LINGO2: variants seen among roughly 807,000 people sequenced by gnomAD.
LINGO2 encodes leucine rich repeat and Ig domain containing 2, also known as leucine-rich repeat and immunoglobulin-like domain-containing nogo receptor-interacting protein 2.
LINGO2 carries 14 observed loss-of-function variants against 30.6 expected under a neutral mutation model. The observed-to-expected ratio is 0.46, with a 90% confidence interval of 0.30 to 0.72. LINGO2 has a LOEUF of 0.72. Ranked by LOEUF, LINGO2 falls within the 30% of genes least tolerant of loss-of-function variation. The probability of loss-of-function intolerance (pLI) is 0.07; values close to 1 mark genes in which losing one functional copy is unlikely to be tolerated. For missense variants in LINGO2, 729 were observed against 751.7 expected (o/e 0.97, Z 0.35); for synonymous variants, 317 against 288.5 (o/e 1.10, Z -1.00).
chr9:29,094,485 A>G, the LINGO2 span, among the ~76,000 whole-genome samples: 1 of 139,128 alleles, frequency 7.2e-6, no homozygotes, highest in African/African-American at 2.7e-5. Context: ...AAATGAAGAA[A>G]CTGAAGCAAA....
the LINGO2 span, among the ~76,000 whole-genome samples, chr9:28,901,627 A>C: frequency 6.6e-6 from 1 of 151,914 alleles, no homozygotes; most frequent in Admixed American, 6.6e-5. Context: ...TTAAGTTATC[A>C]GCTTAAAAGA....
At chr9:28,370,496 G>C (rs1278232127) in intron 3 of LINGO2, among the ~76,000 whole-genome samples, 1 of 151,994 alleles carries the variant, frequency 6.6e-6, no homozygotes, top group East Asian at 1.9e-4. Flanking sequence ...TTATTGATAA[G>C]GTTTAGAATA....
the LINGO2 span, among the ~76,000 whole-genome samples, chr9:28,779,886 C>T: frequency 3.9e-5 from 6 of 152,048 alleles, no homozygotes; most frequent in African/African-American, 1.2e-4. Flanking sequence ...CTATCTCTCT[C>T]CCTCCCTCCC....
chr9:28,320,267 G>C (rs1215580997), intron 3 of LINGO2, among the ~76,000 whole-genome samples: 2 of 152,138 alleles, frequency 1.3e-5, no homozygotes, highest in Non-Finnish European at 2.9e-5. Context: ...ATGAGAGCCA[G>C]GAGTAGAATT....
At chr9:28,774,809 T>C in the LINGO2 span, among the ~76,000 whole-genome samples, 4,892 of 151,416 alleles carry the variant, frequency 0.032, 131 homozygotes, top group South Asian at 0.059. Context: ...ATCAACAAAA[T>C]TGTGGGTTTT....
At chr9:28,971,180 G>GCATTCAT in the LINGO2 span, among the ~76,000 whole-genome samples, 1 of 152,174 alleles carries the variant, frequency 6.6e-6, no homozygotes, top group South Asian at 2.1e-4. Flanking sequence ...AGTCCTGACA[G>GCATTCAT]CATTCATCAT....
chr9:28,515,101 T>C (rs1820565360), intron 1 of LINGO2, among the ~76,000 whole-genome samples: 1 of 152,128 alleles, frequency 6.6e-6, no homozygotes, highest in African/African-American at 2.4e-5. Flanking sequence ...ATGGAGATGC[T>C]CAAGGATATT....
intron 4 of LINGO2, among the ~76,000 whole-genome samples, chr9:28,134,523 G>A (rs1344446577): frequency 6.6e-6 from 1 of 152,210 alleles, no homozygotes; most frequent in African/African-American, 2.4e-5. Context: ...GAGCCACCTG[G>A]GAGGAAGGGA....
intron 5 of LINGO2, among the ~76,000 whole-genome samples, chr9:27,978,602 T>C (rs139773089): frequency 6.6e-6 from 1 of 152,124 alleles, no homozygotes; most frequent in Non-Finnish European, 1.5e-5. Context: ...TATTGGTGCC[T>C]TCATGAAGGT....
At chr9:28,838,853 G>A in the LINGO2 span, among the ~76,000 whole-genome samples, 2 of 152,198 alleles carry the variant, frequency 1.3e-5, no homozygotes, top group African/African-American at 2.4e-5. Context: ...GACAGGCGCA[G>A]AGCAGCAAGG....
At chr9:29,152,453 T>C in the LINGO2 span, among the ~76,000 whole-genome samples, 7 of 152,164 alleles carry the variant, frequency 4.6e-5, no homozygotes, top group African/African-American at 1.7e-4. Context: ...ATATGTTACA[T>C]ATACACCATG....
At position 28,430,116 on chromosome 9, in the gene LINGO2, G is replaced by GTGTGTA. The variant is rs1554720112; in HGVS notation, c.-279+45823_-279+45824insTACACA. On this transcript the variant is annotated intron_variant, in intron 2 of 5. Coordinates refer to ENST00000379992, the Ensembl canonical transcript of LINGO2. ...TTTCCACGCGCGCGCGCGCGTGTGT[G>GTGTGTA]TGTGTGTGTGTGTGATTCTGGATAT... Among the ~76,000 whole-genome samples, 30 of 99,228 alleles carry GTGTGTA rather than the reference G, an allele frequency of 3.0e-4. 1 individual carries two copies. The highest frequency in any genetic ancestry group is 5.3e-3 in the Middle Eastern group (1 of 188). The allele number at this position is 99,228 out of a possible 152,430, so 65.1% of individuals were successfully genotyped here.
chr9:28,182,562 C>G (rs779673804), intron 4 of LINGO2, among the ~76,000 whole-genome samples: 5 of 151,990 alleles, frequency 3.3e-5, no homozygotes, highest in Non-Finnish European at 5.9e-5. Flanking sequence ...TGCAATCTAC[C>G]CATCTGACAA....
At chr9:28,142,742 G>A (rs1563998966) in intron 4 of LINGO2, among the ~76,000 whole-genome samples, 4 of 152,074 alleles carry the variant, frequency 2.6e-5, no homozygotes, top group South Asian at 2.1e-4. Flanking sequence ...TGATTCCATC[G>A]GGTAGGTTAA....
At chr9:28,491,237 TCA>T (rs1423397757) in intron 1 of LINGO2, among the ~76,000 whole-genome samples, 1 of 152,190 alleles carries the variant, frequency 6.6e-6, no homozygotes, top group Non-Finnish European at 1.5e-5. Flanking sequence ...TCTGGAGGCT[TCA>T]GTGATAAATA....
At chr9:28,785,918 A>G in the LINGO2 span, among the ~76,000 whole-genome samples, 450 of 152,334 alleles carry the variant, frequency 3.0e-3, 3 homozygotes, top group Middle Eastern at 0.024. Context: ...CTAAATTCAT[A>G]TAATTCAATG....
At chr9:29,047,378 GTTA>G in the LINGO2 span, among the ~76,000 whole-genome samples, 4 of 152,096 alleles carry the variant, frequency 2.6e-5, no homozygotes, top group South Asian at 2.1e-4. Flanking sequence ...AGTCAGAATG[GTTA>G]TTATCAAAAA....
intron 5 of LINGO2, among the ~76,000 whole-genome samples, chr9:27,983,652 G>C (rs1426011571): frequency 1.3e-5 from 2 of 151,830 alleles, no homozygotes; most frequent in Non-Finnish European, 2.9e-5. Context: ...TAAAGAATCA[G>C]AGAGGTAAAA....
chr9:28,209,090 T>C (rs1049944232), intron 4 of LINGO2, among the ~76,000 whole-genome samples: 4 of 152,058 alleles, frequency 2.6e-5, no homozygotes, highest in Non-Finnish European at 5.9e-5. Flanking sequence ...TGTAATAAGC[T>C]TATGTAATCT....
Sources: allele counts gnomAD v4.1 joint callset (sites outside exome capture counted in the v4.1 genomes callset), GRCh38; gene constraint gnomAD v4.1.1; transcripts MANE v1.5; gene names NCBI Gene and HGNC (gene_info 2026-07-23, HGNC 2026-07-21).